Variants in HNF4A observed in about 807,000 individuals in gnomAD.
The protein encoded by HNF4A is hepatocyte nuclear factor 4-alpha.
In HNF4A, 15 loss-of-function variants were observed where a neutral mutation model predicts 52.4. The ratio of observed to expected loss-of-function variants is 0.29; its 90% CI spans 0.19 to 0.44. The LOEUF (loss-of-function observed/expected upper bound fraction) is 0.44, where lower values mean the gene tolerates loss of function less well. Among genes scored for constraint, HNF4A ranks in the 20% least tolerant of loss-of-function variants. HNF4A has a pLI of 1.00. For missense variants in HNF4A, 479 were observed against 647.2 expected, an observed-to-expected ratio of 0.74 and a Z score of 2.82; for synonymous variants, 280 against 264.4, an observed-to-expected ratio of 1.06 and a Z score of -0.57.
At chr20:44,407,150 C>G (rs2063512534) in intron 2 of HNF4A, among the ~76,000 whole-genome samples, 1 of 152,210 alleles carries the variant, frequency 6.6e-6, no homozygotes, top group Non-Finnish European at 1.5e-5. Flanking sequence ...CGACCCAGGA[C>G]CACATGTTGC....
At chr20:44,423,329 A>G (rs2063772920) in intron 7 of HNF4A, among the ~76,000 whole-genome samples, 1 of 152,148 alleles carries the variant, frequency 6.6e-6, no homozygotes, top group Non-Finnish European at 1.5e-5. Context: ...ATAAAATAAA[A>G]TAAAATAAAA....
chr20:44,403,806 T>A lies in HNF4A; in HGVS notation c.116-2252T>A, dbSNP rs79869644. ...CTCTCTAAGCCTCAGTGTCCTCATCTGTGGAATAGAGGTGCTCGGCTGACC... is the reference window on the plus strand; with the variant it reads ...CTCTCTAAGCCTCAGTGTCCTCATCAGTGGAATAGAGGTGCTCGGCTGACC... On this transcript the variant is annotated intron_variant, in intron 1 of 9. Coordinates refer to ENST00000316099, the MANE Select transcript of HNF4A (RefSeq NM_000457.6). Among the ~76,000 whole-genome samples the A allele has an allele frequency of 6.6e-3, 1,006 of 152,252 alleles. 28 individuals carry two copies. The East Asian group carries it at 0.09, about 14-fold the overall frequency.
chr20:44,419,188 G>A (rs931709552), intron 6 of HNF4A, among the ~76,000 whole-genome samples: 12 of 152,298 alleles, frequency 7.9e-5, no homozygotes, highest in African/African-American at 2.6e-4. Flanking sequence ...TATTTTAAAC[G>A]CTTGTACAGC....
At position 44,423,819 on chromosome 20, in the gene HNF4A, G is replaced by T. The variant is rs189820634; in HGVS notation, c.893-199G>T. Among the ~76,000 whole-genome samples, 21 of 152,308 alleles carry T rather than the reference G, an allele frequency of 1.4e-4. No individual in the cohort carries two copies. In the East Asian group the frequency reaches 4.1e-3, roughly 29 times the overall value. Reference sequence around the variant, plus strand: ...CTGGTTTAGTGCTTTAGGAAATGTGGCAGAAATCTTTTTCTGCCTGTGTCT... The same window carrying T: ...CTGGTTTAGTGCTTTAGGAAATGTGTCAGAAATCTTTTTCTGCCTGTGTCT... On this transcript the variant is annotated intron_variant, in intron 7 of 9. Transcript: ENST00000316099.
At chr20:44,369,781 C>T (rs905016381) in intron 1 of HNF4A, among the ~76,000 whole-genome samples, 1 of 151,898 alleles carries the variant, frequency 6.6e-6, no homozygotes, top group Non-Finnish European at 1.5e-5. Flanking sequence ...ATTACAGGCG[C>T]GTGTCACCAT....
At chr20:44,370,032 G>A (rs190986652) in intron 1 of HNF4A, among the ~76,000 whole-genome samples, 113 of 151,218 alleles carry the variant, frequency 7.5e-4, no homozygotes, top group African/African-American at 2.5e-3. Flanking sequence ...TTTTTTGTTT[G>A]TTTGTTTGTT....
intron 1 of HNF4A, among the ~76,000 whole-genome samples, chr20:44,389,332 AGGGT>A (rs1001247456): frequency 6.6e-6 from 1 of 152,196 alleles, no homozygotes; most frequent in African/African-American, 2.4e-5. Flanking sequence ...TCTGTGAGGG[AGGGT>A]GTAGGGTTGC....
intron 1 of HNF4A, among the ~76,000 whole-genome samples, chr20:44,360,803 G>A (rs1474763871): frequency 2.6e-5 from 4 of 152,238 alleles, no homozygotes. Context: ...GTCGGAGACA[G>A]TTTGGTGATG....
rs75356504 is a variant in HNF4A, at chr20:44,401,312, G to A, written c.-61G>A. The stretch of plus-strand genomic sequence containing the variant: ...AGGAGGCAGTGGGAGGGCGGAGGGC[G>A]GGGGCCTTCGGGGTGGGCGCCCAGG... On this transcript the variant is annotated 5_prime_UTR_variant, in exon 1 of 10. Coordinates refer to ENST00000316099, the MANE Select transcript of HNF4A (RefSeq NM_000457.6). The A allele has an allele frequency of 2.4e-4, 393 of 1,611,020 alleles. 3 individuals are homozygous for A. The African/African-American group carries it at 4.4e-3, about 18-fold the overall frequency.
At chr20:44,369,274 A>C (rs2063006411) in intron 1 of HNF4A, among the ~76,000 whole-genome samples, 1 of 145,788 alleles carries the variant, frequency 6.9e-6, no homozygotes, top group African/African-American at 2.7e-5. Context: ...AAAAAAAAAA[A>C]AAAACTGGGC....
chr20:44,424,250 G>A lies in HNF4A; in HGVS notation c.1125G>A (p.Leu375=), dbSNP rs930495293. 1 of 1,613,904 alleles carries A rather than the reference G, an allele frequency of 6.2e-7. No homozygotes were observed. The highest frequency in any genetic ancestry group is 2.2e-5 in the East Asian group (1 of 44,872). The change falls in exon 8 of 10, where the codon CTG becomes CTA. Residue 375 remains leucine (L), a synonymous_variant. Coordinates refer to ENST00000316099, the MANE Select transcript of HNF4A (RefSeq NM_000457.6). ...ACAACCTGTTGCAGGAGATGCTGCT[G>A]GGAGGTCCGTGCCAAGCCCAGGAGG...
At chr20:44,371,801 C>A (rs576158235) in intron 1 of HNF4A, among the ~76,000 whole-genome samples, 1 of 151,962 alleles carries the variant, frequency 6.6e-6, no homozygotes, top group Non-Finnish European at 1.5e-5. Context: ...CCAGCCTGGG[C>A]GACAGAGCAA....
downstream of HNF4A, chr20:44,432,914 G>T (rs2063895053): frequency 6.6e-6 from 1 of 152,230 alleles, no homozygotes; most frequent in South Asian, 2.1e-4. Flanking sequence ...CTACTTGGGG[G>T]TTAAAAAATT....
upstream of HNF4A, among the ~76,000 whole-genome samples, chr20:44,399,600 C>T (rs999526670): frequency 6.6e-6 from 1 of 152,160 alleles, no homozygotes; most frequent in African/African-American, 2.4e-5. Flanking sequence ...TGCCCTGACT[C>T]CCGATTTGCT....
intron 5 of HNF4A, among the ~76,000 whole-genome samples, chr20:44,416,559 G>T (rs1408993317): frequency 1.3e-5 from 2 of 152,210 alleles, no homozygotes; most frequent in African/African-American, 4.8e-5. Flanking sequence ...CTCCATACTG[G>T]TCATGGAAAG....
At chr20:44,374,565 G>A (rs1472512703) in intron 1 of HNF4A, among the ~76,000 whole-genome samples, 1 of 152,186 alleles carries the variant, frequency 6.6e-6, no homozygotes, top group Non-Finnish European at 1.5e-5. Flanking sequence ...CCAGGTTCAA[G>A]CCATTCTCCT....
intron 5 of HNF4A, 113 bp downstream of exon 5, chr20:44,414,775 A>T: frequency 9.6e-7 from 1 of 1,042,204 alleles, no homozygotes; most frequent in Non-Finnish European, 1.4e-6. Context: ...TTTATTTAAC[A>T]AAATATGTAG....
At chr20:44,402,347 T>A (rs1408731337) in intron 1 of HNF4A, among the ~76,000 whole-genome samples, 2 of 152,146 alleles carry the variant, frequency 1.3e-5, no homozygotes, top group Non-Finnish European at 2.9e-5. Flanking sequence ...TGGAGTGCCC[T>A]GTTCTTCCTG....
At position 44,372,510 on chromosome 20, in the gene HNF4A, G is replaced by GC. The variant is rs141016434; in HGVS notation, c.49+16661dup. 4.9e-3 allele frequency among the ~76,000 whole-genome samples: 745 copies of GC among 152,224 alleles called. 11 individuals carry two copies. The highest frequency in any genetic ancestry group is 0.017 in the African/African-American group (721 of 41,514). On this transcript the variant is annotated intron_variant, in intron 1 of 9. Coordinates refer to the HNF4A transcript ENST00000316673. ...TCCACATGGGAAATCTCACTCCCAG[G>GC]CCCCATCTGGCAGCCATTGTGTTTT...
Sources: gnomAD v4.1 joint callset for allele counts (sites outside exome capture counted in the v4.1 genomes callset) on GRCh38, gnomAD v4.1.1 for gene constraint, MANE v1.5 for transcripts, NCBI Gene and HGNC (gene_info 2026-07-23, HGNC 2026-07-21) for gene names.